LRSAM1: variants seen among roughly 807,000 people sequenced by gnomAD.
The protein encoded by LRSAM1 is E3 ubiquitin-protein ligase LRSAM1.
Under a neutral mutation model 118.1 loss-of-function variants are expected in LRSAM1, and 96 were observed. The observed-to-expected ratio is 0.81, with a 90% CI of 0.69 to 0.96. The LOEUF is 0.96. Among genes scored for constraint, LRSAM1 ranks in the 40% least tolerant of loss-of-function variants. The probability of loss-of-function intolerance (pLI) is 0.00; values close to 1 mark genes in which losing one functional copy is unlikely to be tolerated. For missense variants in LRSAM1, 804 were observed against 915.5 expected, an observed-to-expected ratio of 0.88 and a Z score of 1.57; for synonymous variants, 322 against 364.2, an observed-to-expected ratio of 0.88 and a Z score of 1.32.
chr9:127,492,332 C>A (rs2132101531), intron 20 of LRSAM1, among the ~76,000 whole-genome samples: 1 of 152,328 alleles, frequency 6.6e-6, no homozygotes, highest in Non-Finnish European at 1.5e-5. Context: ...GGCGGGTGCC[C>A]TAGTCCCTGC....
chr9:127,478,939 G>A lies in LRSAM1; in HGVS notation c.756G>A (p.Arg252=). Residue 252 remains arginine (R), a synonymous_variant, in exon 12 of 26, where the codon AGG becomes AGA. Transcript: ENST00000300417. ...FSREELEWQN[R]FSDYEKRKEQ... ...CTGTCTTTTTTTCCTCCCAGAACAGGTTCTCAGACTATGAGAAGAGGAAGG... is the reference window on the plus strand; with the variant it reads ...CTGTCTTTTTTTCCTCCCAGAACAGATTCTCAGACTATGAGAAGAGGAAGG... 1 of 1,614,076 alleles carries A rather than the reference G, an allele frequency of 6.2e-7. No individual in the cohort carries two copies. The highest frequency in any genetic ancestry group is 8.5e-7 in the Non-Finnish European group (1 of 1,179,970).
chr9:127,455,992 G>A (rs745423225), intron 5 of LRSAM1, among the ~76,000 whole-genome samples: 3 of 152,078 alleles, frequency 2.0e-5, no homozygotes, highest in East Asian at 1.9e-4. Context: ...TGCCTACCAC[G>A]TAGTAAAGGC....
intron 11 of LRSAM1, among the ~76,000 whole-genome samples, chr9:127,477,905 CG>C (rs1029141128): frequency 6.6e-6 from 1 of 151,642 alleles, no homozygotes; most frequent in Non-Finnish European, 1.5e-5. Context: ...GAAAATCAGC[CG>C]GGTGTGGTGG....
intron 24 of LRSAM1, among the ~76,000 whole-genome samples, chr9:127,497,959 G>A (rs1223853817): frequency 6.6e-6 from 1 of 152,248 alleles, no homozygotes; most frequent in African/African-American, 2.4e-5. Flanking sequence ...AAAGAGGTTA[G>A]CATGTCCCCC....
At chr9:127,493,476 C>T (rs771839455) in intron 21 of LRSAM1, among the ~76,000 whole-genome samples, 5 of 152,180 alleles carry the variant, frequency 3.3e-5, no homozygotes, top group African/African-American at 4.8e-5. Context: ...AGCCTGTTTC[C>T]GCACATTCTT....
At chr9:127,501,275 C>A in intron 25 of LRSAM1, 132 bp downstream of exon 25, 2 of 1,228,370 alleles carry the variant, frequency 1.6e-6, no homozygotes, top group Non-Finnish European at 2.2e-6. Context: ...AGAAAGAAGG[C>A]AGGAAATAAA....
intron 6 of LRSAM1, among the ~76,000 whole-genome samples, chr9:127,458,064 C>A (rs1834587549): frequency 1.3e-5 from 2 of 151,676 alleles, no homozygotes; most frequent in Non-Finnish European, 2.9e-5. Context: ...TTCTCCAAGG[C>A]CTTTTTTGTG....
In LRSAM1 at chr9:127,479,740, C is replaced by G; in HGVS notation, c.904-99C>G. ...CCGGAGGTCACACAAAAAGGATTGG[C>G]AAGGCAGGGTGGGAAAGCCAGCCTC... On this transcript the variant is annotated intron_variant, in intron 13 of 25. Coordinates refer to ENST00000300417, the MANE Select transcript of LRSAM1 (RefSeq NM_001005373.4). 10 of 1,508,656 alleles carry G rather than the reference C, an allele frequency of 6.6e-6. No homozygotes were observed. The South Asian group carries it at 1.2e-4, about 18-fold the overall frequency. The allele number at this position is 1,508,656 out of a possible 1,614,324, so 93.5% of individuals were successfully genotyped here.
At chr9:127,485,438 TC>T (rs112119803) in intron 16 of LRSAM1, among the ~76,000 whole-genome samples, 3 of 152,090 alleles carry the variant, frequency 2.0e-5, no homozygotes, top group Admixed American at 6.5e-5. Context: ...GCGTCTGTAG[TC>T]CCAGCTACTC....
Position 127,492,800 on chromosome 9 carries a change from A to G in LRSAM1, c.1504-2A>G, listed in dbSNP as rs1064797013. The G allele has an allele frequency of 2.5e-6, 4 of 1,613,606 alleles. No homozygotes were observed. Among genetic ancestry groups the G allele is most frequent in the Admixed American group, 3.3e-5 (2 of 60,008 alleles). ...TGGTGCGGGGTGTGGTCTTGTTCGC[A>G]GGAGATGATCTCGGAGCAGCGCTGG... is the stretch of plus-strand genomic sequence containing the variant. On this transcript the variant is annotated splice_acceptor_variant, in intron 20 of 25. Transcript: ENST00000300417. LOFTEE classifies it high-confidence loss of function.
chr9:127,461,302 G>A, intron 8 of LRSAM1, 45 bp downstream of exon 8: 1 of 1,569,922 alleles, frequency 6.4e-7, no homozygotes, highest in Admixed American at 1.7e-5. Context: ...CATCAGCTCT[G>A]GGCCATCCTG....
intron 11 of LRSAM1, among the ~76,000 whole-genome samples, chr9:127,474,214 T>C (rs1835275867): frequency 6.6e-6 from 1 of 151,202 alleles, no homozygotes; most frequent in Non-Finnish European, 1.5e-5. Context: ...AACAAGCAGC[T>C]CCCTCTGTCT....
intron 11 of LRSAM1, 57 bp downstream of exon 11, chr9:127,473,988 G>A: frequency 6.2e-7 from 1 of 1,611,988 alleles, no homozygotes. Flanking sequence ...GTGCATGTAT[G>A]TGTGTTGAGG....
chr9:127,463,619 CT>C (rs2132018187), intron 9 of LRSAM1, among the ~76,000 whole-genome samples: 1 of 152,192 alleles, frequency 6.6e-6, no homozygotes, highest in Non-Finnish European at 1.5e-5. Flanking sequence ...CTAATGACCC[CT>C]TTTTAACTTA....
intron 25 of LRSAM1, among the ~76,000 whole-genome samples, 175 bp from the exon 26 acceptor site, chr9:127,502,599 A>C (rs1588144388): frequency 6.6e-6 from 1 of 151,432 alleles, no homozygotes; most frequent in Non-Finnish European, 1.5e-5. Context: ...AGGCAGGAGA[A>C]TCACTTAAAC....
rs1288960394 is a variant in LRSAM1, at chr9:127,466,519, TTTTTTTTTTTTC to T, written c.529-1220_529-1209del. 8.2e-4 allele frequency among the ~76,000 whole-genome samples: 81 copies of T among 98,532 alleles called. 1 individual carries two copies. Among genetic ancestry groups the T allele is most frequent in the Middle Eastern group, 4.7e-3 (1 of 214 alleles). The allele number at this position is 98,532 out of a possible 152,430, so 64.6% of individuals were successfully genotyped here. ...ATATATATATATTTTTTTTTTTTTT[TTTTTTTTTTTTC>T]CACTAGAGATGGGGTCTCGCTATGT... On this transcript the variant is annotated intron_variant, in intron 9 of 25. Transcript: ENST00000300417.
chr9:127,485,710 G>A (rs1372974250), intron 16 of LRSAM1, 26 bp from the exon 17 acceptor site: 1 of 1,612,380 alleles, frequency 6.2e-7, no homozygotes, highest in African/African-American at 1.3e-5. Flanking sequence ...ACTCCACTCA[G>A]CTGTCCCCAC....
rs189488293 is a variant in LRSAM1 at position 127,466,886 on chromosome 9, C to T, written c.529-854C>T. Reference sequence around the variant, plus strand: ...GGCATGGTGGCATGTGCTTATAGTCCCAGCTACTCAGGAGGCTGAAGTGGG... The same window carrying T: ...GGCATGGTGGCATGTGCTTATAGTCTCAGCTACTCAGGAGGCTGAAGTGGG... On this transcript the variant is annotated intron_variant, in intron 9 of 25. Coordinates refer to ENST00000300417, the MANE Select transcript of LRSAM1 (RefSeq NM_001005373.4). Among the ~76,000 whole-genome samples, 8 of 152,012 alleles carry T rather than the reference C, an allele frequency of 5.3e-5. No homozygotes were observed. The East Asian group carries it at 1.5e-3, about 29-fold the overall frequency.
rs1834468375 is a variant in LRSAM1 at position 127,455,113 on chromosome 9, T to C, written c.129+59T>C. ...ATCTGTCCCGTTTTCTTGGATCTTG[T>C]GTCCCTAGGAAAGACAGAGGTGGAC... is the stretch of plus-strand genomic sequence containing the variant. On this transcript the variant is annotated intron_variant, in intron 4 of 25. Transcript: ENST00000300417. The C allele has an allele frequency of 2.6e-6, 4 of 1,555,580 alleles. No homozygotes were observed. In the Admixed American group the frequency reaches 6.7e-5, roughly 26 times the overall value.
Sources: gnomAD v4.1 joint callset for allele counts (sites outside exome capture counted in the v4.1 genomes callset) on GRCh38, gnomAD v4.1.1 for gene constraint, MANE v1.5 for transcripts, NCBI Gene and HGNC (gene_info 2026-07-23, HGNC 2026-07-21) for gene names.